Variants in PXDN observed in about 807,000 individuals in gnomAD.
PXDN encodes the protein peroxidasin homolog.
PXDN carries 77 observed loss-of-function variants against 140.3 expected under a neutral mutation model. The ratio of observed to expected loss-of-function variants is 0.55; its 90% confidence interval spans 0.46 to 0.66. The LOEUF (loss-of-function observed/expected upper bound fraction) is 0.66, where lower values mean the gene tolerates loss of function less well. Ranked by LOEUF, PXDN falls within the 30% of genes least tolerant of loss-of-function variation. The pLI is 0.00. For synonymous variants in PXDN, 911 were observed against 857.4 expected (o/e 1.06, Z -1.09); for missense variants, 1,838 against 2,039.5 (o/e 0.90, Z 1.90).
At chr2:1,677,225 C>T (rs562111719) in intron 7 of PXDN, among the ~76,000 whole-genome samples, 181 bp from the exon 8 acceptor site, 5 of 152,244 alleles carry the variant, frequency 3.3e-5, no homozygotes, top group East Asian at 3.9e-4. Context: ...GTCTATGGTG[C>T]GGATCTACAT....
intron 3 of PXDN, among the ~76,000 whole-genome samples, chr2:1,689,869 CCTAA>C (rs1355092000): frequency 3.3e-5 from 5 of 151,744 alleles, no homozygotes; most frequent in Non-Finnish European, 5.9e-5. Flanking sequence ...TTGAATGAGT[CCTAA>C]CTGTCTCAAG....
rs1266102946 is a variant in PXDN at position 1,710,774 on chromosome 2, CCA to C, written c.201-17642_201-17641del. On this transcript the variant is annotated intron_variant, in intron 1 of 22. Transcript: ENST00000252804. ...CCACCAGCACCCACTCCACCAGCAC[CCA>C]CTCTCCACCAGCACCCACTCCACCA... Among the ~76,000 whole-genome samples the C allele has an allele frequency of 1.5e-3, 61 of 39,628 alleles. 2 individuals are homozygous for C. The highest frequency in any genetic ancestry group is 2.6e-3 in the Admixed American group (8 of 3,114). The allele number at this position is 39,628 out of a possible 152,430, so 26.0% of individuals were successfully genotyped here.
At chr2:1,635,704 A>C (rs1269152361) in intron 21 of PXDN, 183 bp from the exon 22 acceptor site, 3 of 615,592 alleles carry the variant, frequency 4.9e-6, no homozygotes, top group Non-Finnish European at 8.8e-6. Context: ...AGCTGACCAC[A>C]CGCCCCAATG....
At chr2:1,730,213 T>A (rs1231434152) in intron 1 of PXDN, among the ~76,000 whole-genome samples, 1 of 152,256 alleles carries the variant, frequency 6.6e-6, no homozygotes, top group Non-Finnish European at 1.5e-5. Context: ...TGAACATGTG[T>A]AACTTGCATA....
At chr2:1,704,498 A>G (rs559402328) in intron 1 of PXDN, among the ~76,000 whole-genome samples, 333 of 16,346 alleles carry the variant, frequency 0.02, no homozygotes, top group Admixed American at 0.028. Context: ...CAGGTGAAGG[A>G]GGGCAACTCC....
intron 1 of PXDN, among the ~76,000 whole-genome samples, chr2:1,738,361 T>A (rs1685464778): frequency 6.6e-6 from 1 of 152,096 alleles, no homozygotes; most frequent in Non-Finnish European, 1.5e-5. Context: ...TCCTGAGAGA[T>A]CACTCGATTC....
intron 7 of PXDN, among the ~76,000 whole-genome samples, chr2:1,679,259 GGT>G (rs764019988): frequency 3.7e-4 from 55 of 147,722 alleles, no homozygotes; most frequent in Non-Finnish European, 7.6e-4. Context: ...GTGCGTGTGT[GGT>G]GTGTGTGTGG....
intron 1 of PXDN, among the ~76,000 whole-genome samples, chr2:1,708,489 A>G (rs1684673862): frequency 6.6e-6 from 1 of 152,148 alleles, no homozygotes; most frequent in Non-Finnish European, 1.5e-5. Context: ...GAATGACAAA[A>G]GTCATAAGAA....
chr2:1,680,422 A>G, intron 6 of PXDN, 60 bp from the exon 7 acceptor site: 1 of 1,584,696 alleles, frequency 6.3e-7, no homozygotes, highest in Non-Finnish European at 8.7e-7. Flanking sequence ...CCATCCATCC[A>G]TCAGACAGGG....
At chr2:1,720,914 T>C (rs1467987233) in intron 1 of PXDN, among the ~76,000 whole-genome samples, 1 of 152,064 alleles carries the variant, frequency 6.6e-6, no homozygotes. Context: ...TTACTGATGC[T>C]ACAGCCCCGG....
intron 9 of PXDN, among the ~76,000 whole-genome samples, chr2:1,670,930 A>T (rs1190958691): frequency 2.0e-5 from 3 of 152,186 alleles, no homozygotes; most frequent in African/African-American, 7.2e-5. Context: ...TCCGGTCCTC[A>T]CGTGAACTTG....
intron 6 of PXDN, among the ~76,000 whole-genome samples, chr2:1,681,943 C>T (rs1156559310): frequency 6.6e-6 from 1 of 152,246 alleles, no homozygotes; most frequent in Non-Finnish European, 1.5e-5. Context: ...GGTGGGGCAG[C>T]TGGCGTGGCC....
Position 1,709,264 on chromosome 2 carries a change from C to T in PXDN, c.201-16130G>A, listed in dbSNP as rs75689376. Among the ~76,000 whole-genome samples the T allele has an allele frequency of 0.017, 2,655 of 152,276 alleles. 248 individuals carry two copies. In the East Asian group the frequency reaches 0.3, roughly 17 times the overall value. Reference sequence around the variant, plus strand: ...GAGGCCAGGCACCAGCAGGTGACCACGGCGCTCGCTGCAGTGAAAGGCTCA... The same window carrying T: ...GAGGCCAGGCACCAGCAGGTGACCATGGCGCTCGCTGCAGTGAAAGGCTCA... On this transcript the variant is annotated intron_variant, in intron 1 of 22. Coordinates refer to ENST00000252804, the MANE Select transcript of PXDN (RefSeq NM_012293.3).
chr2:1,662,120 G>T lies in PXDN; in HGVS notation c.1632C>A (p.Leu544=). ...TTVEVGANVQ[L]PCSSQGEPEP... is the part of the protein sequence containing the mutation. The stretch of plus-strand genomic sequence containing the variant: ...CGGGCTCGCCCTGGGAGCTGCACGG[G>T]AGCTGCACATTGGCGCCCACCTCCA... Residue 544 remains leucine, a synonymous_variant, in exon 13 of 23, where the codon CTC becomes CTA. Transcript: ENST00000252804. 1 of 1,598,772 alleles carries T rather than the reference G, an allele frequency of 6.3e-7. No individual in the cohort carries two copies. The highest frequency in any genetic ancestry group is 1.1e-5 in the South Asian group (1 of 87,962).
At position 1,666,236 on chromosome 2, in the gene PXDN, G is replaced by T. The variant is rs745958278; in HGVS notation, c.1269C>A (p.Ala423=). 4.3e-6 allele frequency: 7 copies of T among 1,614,016 alleles called. No individual in the cohort carries two copies. The South Asian group carries it at 7.7e-5, about 18-fold the overall frequency. Residue 423 remains alanine (A), a synonymous_variant, in exon 10 of 23, where the codon GCC becomes GCA. Coordinates refer to ENST00000252804, the MANE Select transcript of PXDN (RefSeq NM_012293.3). ...CACCCTGGACGATGATGAAAGCGGT[G>T]GCATGGACGCTGTCAATGTTGTTGG... is the stretch of plus-strand genomic sequence containing the variant. ...SATNNIDSVH[A]TAFIIVQALP...
At chr2:1,681,465 G>A (rs761303962) in intron 6 of PXDN, among the ~76,000 whole-genome samples, 3 of 151,916 alleles carry the variant, frequency 2.0e-5, no homozygotes, top group Non-Finnish European at 4.4e-5. Flanking sequence ...CCCTCAATGA[G>A]GTGGCCCCAG....
intron 1 of PXDN, among the ~76,000 whole-genome samples, chr2:1,707,635 G>A (rs1440488106): frequency 6.6e-6 from 1 of 152,216 alleles, no homozygotes; most frequent in East Asian, 1.9e-4. Flanking sequence ...TCCCTGCGGA[G>A]GGGCTATCAG....
intron 9 of PXDN, among the ~76,000 whole-genome samples, chr2:1,670,271 T>C (rs1282473578): frequency 3.9e-5 from 6 of 152,206 alleles, no homozygotes; most frequent in Non-Finnish European, 8.8e-5. Context: ...TTATGGTGCA[T>C]TTAGATCATG....
At chr2:1,711,789 C>T (rs542459545) in intron 1 of PXDN, among the ~76,000 whole-genome samples, 1 of 152,218 alleles carries the variant, frequency 6.6e-6, no homozygotes, top group Admixed American at 6.5e-5. Flanking sequence ...CAGCCAGCTC[C>T]CACTGCATTT....
Sources: gnomAD v4.1 joint callset for allele counts (sites outside exome capture counted in the v4.1 genomes callset) on GRCh38, gnomAD v4.1.1 for gene constraint, MANE v1.5 for transcripts, NCBI Gene and HGNC (gene_info 2026-07-23, HGNC 2026-07-21) for gene names.